Variants in FILIP1L observed in about 807,000 individuals in gnomAD.
FILIP1L encodes the protein filamin A-interacting protein 1-like.
FILIP1L carries 55 observed loss-of-function variants against 96.6 expected under a neutral mutation model. That is an observed-to-expected ratio of 0.57 (90% confidence interval 0.46 to 0.71). The LOEUF (loss-of-function observed/expected upper bound fraction) is 0.71. Ranked by LOEUF, FILIP1L falls within the 30% of genes least tolerant of loss-of-function variation. The probability of loss-of-function intolerance (pLI) is 0.00; values close to 1 mark genes in which losing one functional copy is unlikely to be tolerated. For missense variants in FILIP1L, 1,304 were observed against 1,321.2 expected (o/e 0.99, Z 0.20); for synonymous variants, 467 against 473.9 (o/e 0.99, Z 0.19).
intron 1 of FILIP1L, among the ~76,000 whole-genome samples, chr3:100,029,367 A>C (rs1297354157): frequency 5.3e-5 from 8 of 152,122 alleles, no homozygotes. Flanking sequence ...AATAAAGTCA[A>C]GTCCCCTAGG....
At chr3:100,057,069 T>G (rs1186336099) in intron 1 of FILIP1L, among the ~76,000 whole-genome samples, 1 of 152,072 alleles carries the variant, frequency 6.6e-6, no homozygotes, top group African/African-American at 2.4e-5. Context: ...AGAGAACTAA[T>G]GATTGGCAGG....
At chr3:100,022,056 C>CAGT (rs1455842596) in intron 1 of FILIP1L, among the ~76,000 whole-genome samples, 1 of 151,494 alleles carries the variant, frequency 6.6e-6, no homozygotes, top group Admixed American at 6.6e-5. Context: ...AAAGCATTTG[C>CAGT]AGTAGCTTGT....
rs1320512388 is a variant in FILIP1L, at chr3:99,849,232, A to C, written c.2444T>G (p.Leu815Arg). 4 of 1,614,182 alleles carry C rather than the reference A, an allele frequency of 2.5e-6. No individual in the cohort carries two copies. In the East Asian group the frequency reaches 6.7e-5, roughly 27 times the overall value. The change falls in exon 5 of 6, where the codon CTC becomes CGC. Residue 815 changes from leucine (L) to arginine (R), a missense_variant. Leu to Arg is a moderately radical substitution (Grantham distance 102). Coordinates refer to ENST00000477258, the MANE Select transcript of FILIP1L (RefSeq NM_001387850.1). Reference sequence around the variant, plus strand: ...GATGACTGCACGTTCCAGAGGAATGAGGCTCTTGTAATCAGGTGGTTCATT... The same window carrying C: ...GATGACTGCACGTTCCAGAGGAATGCGGCTCTTGTAATCAGGTGGTTCATT... Reference protein sequence around the residue: ...VDNEPPDYKSLIPLERAVING... With the variant: ...VDNEPPDYKSRIPLERAVING...
intron 1 of FILIP1L, among the ~76,000 whole-genome samples, chr3:99,989,085 G>A (rs533484698): frequency 3.3e-5 from 5 of 152,132 alleles, no homozygotes; most frequent in Non-Finnish European, 7.4e-5. Flanking sequence ...TTTGTTTTGT[G>A]ATTCACTCAC....
At chr3:100,049,232 CAAAT>C (rs1486272391) in intron 1 of FILIP1L, among the ~76,000 whole-genome samples, 11 of 152,114 alleles carry the variant, frequency 7.2e-5, no homozygotes, top group African/African-American at 1.2e-4. Flanking sequence ...ATCATGGTAA[CAAAT>C]AAACTGTTCT....
At chr3:100,111,355 C>T (rs2066487826) in intron 1 of FILIP1L, among the ~76,000 whole-genome samples, 1 of 152,162 alleles carries the variant, frequency 6.6e-6, no homozygotes, top group African/African-American at 2.4e-5. Flanking sequence ...GAGATTACTC[C>T]ATGAGGCTGT....
chr3:99,907,023 CTT>C (rs1462475168), intron 4 of FILIP1L, among the ~76,000 whole-genome samples: 1 of 152,030 alleles, frequency 6.6e-6, no homozygotes, highest in East Asian at 1.9e-4. Context: ...TAATTTAAAA[CTT>C]GTTTGAATAA....
intron 1 of FILIP1L, among the ~76,000 whole-genome samples, chr3:100,086,687 C>A (rs1032391710): frequency 2.0e-5 from 3 of 152,138 alleles, no homozygotes; most frequent in African/African-American, 7.2e-5. Flanking sequence ...GAGTTGGGAG[C>A]AATGGCTAAC....
At chr3:100,088,099 G>A (rs2066043899) in intron 1 of FILIP1L, among the ~76,000 whole-genome samples, 2 of 152,046 alleles carry the variant, frequency 1.3e-5, no homozygotes, top group African/African-American at 4.8e-5. Flanking sequence ...CCAAAGTGCT[G>A]GGATTACAGG....
At chr3:99,985,729 C>T (rs1160189624) in intron 1 of FILIP1L, among the ~76,000 whole-genome samples, 4 of 152,040 alleles carry the variant, frequency 2.6e-5, no homozygotes, top group Non-Finnish European at 5.9e-5. Context: ...AATGGGATTA[C>T]AGGCACCTGC....
rs1275681986 is a variant in FILIP1L, at chr3:100,080,315, AAG to A, written c.-11+33736_-11+33737del. ...TTCTTAAAGCTCTCATAACCTAGCT[AAG>A]AGGGGGAAAAAAAAATTTAATAACT... On this transcript the variant is annotated intron_variant, in intron 1 of 5. Coordinates refer to ENST00000477258, the MANE Select transcript of FILIP1L (RefSeq NM_001387850.1). Among the ~76,000 whole-genome samples the A allele has an allele frequency of 3.0e-4, 43 of 145,326 alleles. No homozygotes were observed. In the South Asian group the frequency reaches 4.3e-3, roughly 15 times the overall value.
chr3:99,987,483 T>G (rs980059623), intron 1 of FILIP1L, among the ~76,000 whole-genome samples: 22 of 145,660 alleles, frequency 1.5e-4, no homozygotes, highest in African/African-American at 5.7e-4. Flanking sequence ...GAGCCAAGAT[T>G]GTGCCACTGC....
chr3:99,911,933 TTC>T lies in FILIP1L; in HGVS notation c.605+12295_605+12296del, dbSNP rs780596527. On this transcript the variant is annotated intron_variant, in intron 4 of 5. Coordinates refer to ENST00000477258, the MANE Select transcript of FILIP1L (RefSeq NM_001387850.1). ...TTTTCACATATAACCAAAATGTTCGTTCTCTCTTTTTTTTTCCAGCAAATAAT... is the reference window on the plus strand; with the variant it reads ...TTTTCACATATAACCAAAATGTTCGTTCTCTTTTTTTTTCCAGCAAATAAT... 3.9e-5 allele frequency among the ~76,000 whole-genome samples: 6 copies of T among 152,288 alleles called. No homozygotes were observed. In the South Asian group the frequency reaches 1.2e-3, roughly 32 times the overall value.
At chr3:99,831,646 G>A (rs1182538508) in intron 5 of FILIP1L, among the ~76,000 whole-genome samples, 1 of 152,178 alleles carries the variant, frequency 6.6e-6, no homozygotes, top group Admixed American at 6.5e-5. Flanking sequence ...TTTCTGTGAT[G>A]TCCTGTAACT....
At chr3:100,039,058 A>G (rs974329843) in intron 1 of FILIP1L, among the ~76,000 whole-genome samples, 3 of 150,850 alleles carry the variant, frequency 2.0e-5, no homozygotes, top group Non-Finnish European at 2.9e-5. Context: ...CAGATGTTGG[A>G]AAAACTCCTA....
chr3:99,921,211 A>G (rs1019558404), intron 4 of FILIP1L, among the ~76,000 whole-genome samples: 7 of 152,196 alleles, frequency 4.6e-5, no homozygotes, highest in African/African-American at 1.7e-4. Context: ...GTGTTTTGCC[A>G]TGTCACTTGA....
intron 1 of FILIP1L, among the ~76,000 whole-genome samples, chr3:100,069,126 T>C (rs1455211187): frequency 2.0e-5 from 3 of 152,196 alleles, no homozygotes; most frequent in Non-Finnish European, 4.4e-5. Context: ...TTTAGTTTCA[T>C]GTCTTCTGTA....
chr3:100,094,980 G>T (rs980960476), intron 1 of FILIP1L, among the ~76,000 whole-genome samples: 2 of 152,000 alleles, frequency 1.3e-5, no homozygotes. Context: ...GAGCCACTGC[G>T]CCTGGCCAAA....
intron 4 of FILIP1L, among the ~76,000 whole-genome samples, chr3:99,899,774 C>T (rs907382453): frequency 3.9e-5 from 6 of 152,144 alleles, no homozygotes; most frequent in African/African-American, 1.4e-4. Flanking sequence ...ACCAGACTCC[C>T]TGGGTTTGCA....
Sources: allele counts gnomAD v4.1 joint callset (sites outside exome capture counted in the v4.1 genomes callset), GRCh38; gene constraint gnomAD v4.1.1; transcripts MANE v1.5; gene names NCBI Gene and HGNC (gene_info 2026-07-23, HGNC 2026-07-21).